CKAP5: variants seen among roughly 807,000 people sequenced by gnomAD.
CKAP5 encodes cytoskeleton associated protein 5.
In CKAP5, 27 loss-of-function variants were observed where a neutral mutation model predicts 232.8. The ratio of observed to expected loss-of-function variants is 0.12; its 90% confidence interval spans 0.09 to 0.16. The LOEUF is 0.16. CKAP5 is among the 10% of genes least tolerant of loss of function. The pLI is 1.00. For missense variants in CKAP5, 1,838 were observed against 2,424.7 expected (o/e 0.76, Z 5.08); for synonymous variants, 785 against 841.1 (o/e 0.93, Z 1.16).
Position 46,750,511 on chromosome 11 carries a change from A to G in CKAP5, c.5544+17T>C. The G allele has an allele frequency of 6.2e-7, 1 of 1,611,106 alleles. No individual in the cohort carries two copies. On this transcript the variant is annotated intron_variant, in intron 41 of 43. Coordinates refer to ENST00000529230, the MANE Select transcript of CKAP5 (RefSeq NM_001008938.4). ...CATAAAGCAGACCCCTATTCTGCTT[A>G]ACCCTTTCACTCTCACCTCTTTAGT... is the stretch of plus-strand genomic sequence containing the variant.
intron 15 of CKAP5, 96 bp downstream of exon 15, chr11:46,789,980 A>G (rs1938673054): frequency 1.3e-6 from 1 of 773,328 alleles, no homozygotes; most frequent in Non-Finnish European, 2.2e-6. Flanking sequence ...CACCGGTTAT[A>G]AAACACAGCA....
At chr11:46,841,410 T>C (rs945791377) in intron 1 of CKAP5, among the ~76,000 whole-genome samples, 6 of 152,184 alleles carry the variant, frequency 3.9e-5, no homozygotes, top group East Asian at 1.9e-4. Context: ...ATTGTGAGAG[T>C]ATAAGATAAA....
At chr11:46,774,614 C>T (rs1347204530) in intron 24 of CKAP5, among the ~76,000 whole-genome samples, 2 of 152,172 alleles carry the variant, frequency 1.3e-5, no homozygotes, top group African/African-American at 4.8e-5. Context: ...GTAACCAAAA[C>T]AGCATGGTAC....
intron 1 of CKAP5, among the ~76,000 whole-genome samples, chr11:46,836,204 C>T (rs1430126934): frequency 6.6e-6 from 1 of 152,160 alleles, no homozygotes; most frequent in African/African-American, 2.4e-5. Flanking sequence ...ACTGTTGAAA[C>T]ACAAACAGAA....
chr11:46,831,571 C>A (rs1258217470), intron 1 of CKAP5, among the ~76,000 whole-genome samples: 1 of 152,160 alleles, frequency 6.6e-6, no homozygotes, highest in Non-Finnish European at 1.5e-5. Flanking sequence ...CTCCATTGCC[C>A]AGGCTGGAGT....
intron 1 of CKAP5, among the ~76,000 whole-genome samples, chr11:46,825,968 A>C (rs1235418045): frequency 6.6e-6 from 1 of 152,052 alleles, no homozygotes; most frequent in African/African-American, 2.4e-5. Flanking sequence ...TTTCCCTCAA[A>C]TTAAAAAAAA....
intron 38 of CKAP5, among the ~76,000 whole-genome samples, chr11:46,751,994 T>C (rs1351072559): frequency 2.6e-5 from 4 of 151,762 alleles, no homozygotes; most frequent in African/African-American, 9.7e-5. Context: ...AGATATCTTT[T>C]TCCCCAAAAT....
chr11:46,805,614 T>C (rs369345175), intron 8 of CKAP5, among the ~76,000 whole-genome samples: 15 of 152,184 alleles, frequency 9.9e-5, no homozygotes, highest in African/African-American at 3.4e-4. Context: ...AAAGTTTGTG[T>C]GTACATATAA....
chr11:46,797,894 A>T lies in CKAP5; in HGVS notation c.1249T>A (p.Ser417Thr). Reference sequence around the variant, plus strand: ...CGGAAACTTCTTGCAATAAAAAGAGATGTCTGCTGCTTGATGGTTGGATTT... The same window carrying T: ...CGGAAACTTCTTGCAATAAAAAGAGTTGTCTGCTGCTTGATGGTTGGATTT... ...NKNPTIKQQT[S>T]LFIARSFRHC... is the part of the protein sequence containing the mutation. Residue 417 changes from serine to threonine, a missense_variant, in exon 11 of 44, where the codon TCT becomes ACT. By Grantham distance (58) the Ser-to-Thr change is moderately conservative (BLOSUM62 1). This residue lies in a region of CKAP5 where 767 missense variants were observed against 954.6 expected (regional missense o/e 0.80). Transcript: ENST00000529230. 6.2e-7 allele frequency: 1 copy of T among 1,614,026 alleles called. No homozygotes were observed. The highest frequency in any genetic ancestry group is 8.5e-7 in the Non-Finnish European group (1 of 1,179,984).
chr11:46,809,553 T>C, intron 6 of CKAP5, 53 bp from the exon 7 acceptor site: 2 of 1,419,612 alleles, frequency 1.4e-6, no homozygotes, highest in South Asian at 1.2e-5. Flanking sequence ...TTGTTTTACT[T>C]ATCAGTTATC....
chr11:46,821,305 G>A (rs1280460271), intron 1 of CKAP5, 37 bp from the exon 2 acceptor site: 2 of 982,336 alleles, frequency 2.0e-6, no homozygotes, highest in Non-Finnish European at 3.2e-6. Flanking sequence ...TTAGCAACCA[G>A]GCAGTCTCTT....
At chr11:46,829,838 A>ATATG (rs1412461020) in intron 1 of CKAP5, among the ~76,000 whole-genome samples, 25 of 143,130 alleles carry the variant, frequency 1.7e-4, no homozygotes, top group African/African-American at 6.2e-4. Context: ...CCTTTTTTGT[A>ATATG]TGTGTGTGTG....
chr11:46,824,689 T>C (rs550926820), intron 1 of CKAP5, among the ~76,000 whole-genome samples: 14 of 152,334 alleles, frequency 9.2e-5, no homozygotes, highest in African/African-American at 3.4e-4. Flanking sequence ...CAAAATGGTC[T>C]AGCTGCTGTG....
chr11:46,754,191 G>A (rs1449038504), intron 36 of CKAP5, among the ~76,000 whole-genome samples: 1 of 151,908 alleles, frequency 6.6e-6, no homozygotes, highest in East Asian at 1.9e-4. Context: ...TAGAGATGGG[G>A]TTTCACCATC....
At chr11:46,765,795 G>C (rs1479699617) in intron 27 of CKAP5, among the ~76,000 whole-genome samples, 1 of 151,916 alleles carries the variant, frequency 6.6e-6, no homozygotes, top group African/African-American at 2.4e-5. Flanking sequence ...AGTAGAGACA[G>C]GGTTTCACCA....
rs759755919 is a variant in CKAP5, at chr11:46,809,488, C to T, written c.776G>A (p.Gly259Asp). The change falls in exon 7 of 44, where the codon GGT becomes GAT. Residue 259 changes from glycine to aspartate, a missense_variant. This residue lies in a region of CKAP5 where 285 missense variants were observed against 300.0 expected (regional missense o/e 0.95). Transcript: ENST00000529230. The part of the protein sequence containing the change: ...GGDAEGGGDD[G>D]DEVPQIDAYE... Reference sequence around the variant, plus strand: ...AGCATCTATTTGTGGCACCTCATCACCATCATCACCACCTTTAAGGAGAAA... The same window carrying T: ...AGCATCTATTTGTGGCACCTCATCATCATCATCACCACCTTTAAGGAGAAA... 2 of 1,610,404 alleles carry T rather than the reference C, an allele frequency of 1.2e-6. No homozygotes were observed. Among genetic ancestry groups the T allele is most frequent in the Non-Finnish European group, 1.7e-6 (2 of 1,177,272 alleles).
chr11:46,838,783 G>A (rs1179552461), intron 1 of CKAP5, among the ~76,000 whole-genome samples: 1 of 82,560 alleles, frequency 1.2e-5, no homozygotes, highest in Non-Finnish European at 2.1e-5. Context: ...GACAGAGTGG[G>A]ACCCCATCTC....
At chr11:46,760,925 G>A in intron 32 of CKAP5, 141 bp from the exon 33 acceptor site, 1 of 706,578 alleles carries the variant, frequency 1.4e-6, no homozygotes, top group East Asian at 2.7e-5. Flanking sequence ...ATTAATACCT[G>A]CCTAGCTGCT....
intron 18 of CKAP5, among the ~76,000 whole-genome samples, chr11:46,782,215 T>C (rs998291293): frequency 4.6e-5 from 7 of 152,148 alleles, no homozygotes; most frequent in Non-Finnish European, 1.0e-4. Flanking sequence ...GTAACTCCCA[T>C]GAAACAGAAA....
Sources: gnomAD v4.1 joint callset for allele counts (sites outside exome capture counted in the v4.1 genomes callset) on GRCh38, gnomAD v4.1.1 for gene constraint, gnomAD v4.1.1 regional missense constraint, MANE v1.5 for transcripts, NCBI Gene and HGNC (gene_info 2026-07-23, HGNC 2026-07-21) for gene names.